LINGO2: variants seen among roughly 807,000 people sequenced by gnomAD.
The protein encoded by LINGO2 is leucine rich repeat and Ig domain containing 2.
LINGO2 carries 14 observed loss-of-function variants against 30.6 expected under a neutral mutation model. That is an observed-to-expected ratio of 0.46 (90% CI 0.30 to 0.72). The LOEUF is 0.72. Ranked by LOEUF, LINGO2 falls within the 30% of genes least tolerant of loss-of-function variation. The probability of loss-of-function intolerance (pLI) is 0.07; values close to 1 mark genes in which losing one functional copy is unlikely to be tolerated. For missense variants in LINGO2, 729 were observed against 751.7 expected (o/e 0.97, Z 0.35); for synonymous variants, 317 against 288.5 (o/e 1.10, Z -1.00).
intron 2 of LINGO2, among the ~76,000 whole-genome samples, chr9:28,376,991 T>C (rs888784475): frequency 2.0e-5 from 3 of 152,096 alleles, no homozygotes; most frequent in East Asian, 1.9e-4. Flanking sequence ...TATACTGCCA[T>C]TGGAATATTA....
chr9:28,174,620 T>C (rs954007943), intron 4 of LINGO2, among the ~76,000 whole-genome samples: 2 of 152,094 alleles, frequency 1.3e-5, no homozygotes, highest in African/African-American at 4.8e-5. Flanking sequence ...CTGATTGAGG[T>C]CTATATTTTG....
chr9:28,779,616 A>G, the LINGO2 span, among the ~76,000 whole-genome samples: 1 of 150,630 alleles, frequency 6.6e-6, no homozygotes, highest in Non-Finnish European at 1.5e-5. Flanking sequence ...GGTTAGAGGA[A>G]AAGAGTGTAC....
chr9:28,349,947 G>A (rs954725736), intron 3 of LINGO2, among the ~76,000 whole-genome samples: 4 of 152,102 alleles, frequency 2.6e-5, no homozygotes, highest in African/African-American at 9.7e-5. Context: ...ACAAGCAAAT[G>A]CTGAGAGATT....
At chr9:28,748,445 G>GA in the LINGO2 span, among the ~76,000 whole-genome samples, 10 of 149,560 alleles carry the variant, frequency 6.7e-5, 1 homozygote, top group African/African-American at 1.7e-4. Context: ...ACTACTATAA[G>GA]AAAAAAAAAT....
chr9:28,420,409 C>T (rs1045944399), intron 2 of LINGO2, among the ~76,000 whole-genome samples: 1 of 152,008 alleles, frequency 6.6e-6, no homozygotes, highest in Non-Finnish European at 1.5e-5. Context: ...CTTGCTGGCT[C>T]ACTAAAAGAC....
the LINGO2 span, among the ~76,000 whole-genome samples, chr9:28,976,631 T>C: frequency 6.6e-6 from 1 of 152,146 alleles, no homozygotes; most frequent in South Asian, 2.1e-4. Context: ...ATGTTATCTA[T>C]AGAGAAAACT....
intron 4 of LINGO2, among the ~76,000 whole-genome samples, chr9:28,225,468 T>A (rs1821113389): frequency 1.3e-5 from 2 of 152,020 alleles, no homozygotes; most frequent in Admixed American, 6.6e-5. Flanking sequence ...ATGAGAATTG[T>A]AAAAAAATTC....
chr9:27,992,638 A>G (rs1485755213), intron 5 of LINGO2, among the ~76,000 whole-genome samples: 1 of 152,128 alleles, frequency 6.6e-6, no homozygotes, highest in Non-Finnish European at 1.5e-5. Context: ...ATAAAATTAT[A>G]TCAATACTAT....
chr9:28,491,621 A>G (rs1201074422), intron 1 of LINGO2, among the ~76,000 whole-genome samples: 1 of 152,150 alleles, frequency 6.6e-6, no homozygotes, highest in East Asian at 1.9e-4. Flanking sequence ...ATAAAATTAA[A>G]CCTAATTAAA....
chr9:28,742,088 C>T, the LINGO2 span, among the ~76,000 whole-genome samples: 1 of 151,948 alleles, frequency 6.6e-6, no homozygotes. Flanking sequence ...AGGCTAAAGC[C>T]ACATTGGCCT....
the LINGO2 span, among the ~76,000 whole-genome samples, chr9:28,989,000 G>A: frequency 6.6e-6 from 1 of 152,080 alleles, no homozygotes; most frequent in Non-Finnish European, 1.5e-5. Context: ...TGTTCTTGCT[G>A]ACATCACTCC....
intron 1 of LINGO2, among the ~76,000 whole-genome samples, chr9:28,500,709 G>A (rs1819848175): frequency 6.6e-6 from 1 of 152,018 alleles, no homozygotes; most frequent in African/African-American, 2.4e-5. Flanking sequence ...GATCATGGAA[G>A]AGATGATTTT....
chr9:28,021,964 AT>A (rs1229662520), intron 4 of LINGO2, among the ~76,000 whole-genome samples: 4 of 152,050 alleles, frequency 2.6e-5, no homozygotes, highest in African/African-American at 9.7e-5. Context: ...AACCATAAAT[AT>A]TTAAAGTAAT....
the LINGO2 span, among the ~76,000 whole-genome samples, chr9:28,690,919 T>C: frequency 1.3e-5 from 2 of 152,126 alleles, no homozygotes; most frequent in Non-Finnish European, 2.9e-5. Flanking sequence ...TTATTATAAA[T>C]AAAAGTTGAA....
chr9:28,942,715 C>T, the LINGO2 span, among the ~76,000 whole-genome samples: 2 of 152,134 alleles, frequency 1.3e-5, no homozygotes, highest in Non-Finnish European at 2.9e-5. Context: ...TTACTGTATA[C>T]TTAAAAGTTT....
At chr9:28,599,565 T>G (rs557129890) in intron 1 of LINGO2, among the ~76,000 whole-genome samples, 3 of 152,200 alleles carry the variant, frequency 2.0e-5, no homozygotes, top group Non-Finnish European at 2.9e-5. Context: ...TAATGAAATA[T>G]CCAACATATT....
chr9:28,175,743 T>C (rs751984469), intron 4 of LINGO2, among the ~76,000 whole-genome samples: 1 of 152,182 alleles, frequency 6.6e-6, no homozygotes, highest in Non-Finnish European at 1.5e-5. Flanking sequence ...TTACCTGCTC[T>C]GTAAGATAAG....
chr9:28,591,907 C>T (rs530386550), intron 1 of LINGO2, among the ~76,000 whole-genome samples: 10 of 152,088 alleles, frequency 6.6e-5, no homozygotes, highest in African/African-American at 2.4e-4. Flanking sequence ...CTTTAATGGA[C>T]CATAAGGGCT....
At chr9:28,837,835 A>T in the LINGO2 span, among the ~76,000 whole-genome samples, 1 of 150,812 alleles carries the variant, frequency 6.6e-6, no homozygotes, top group African/African-American at 2.4e-5. Flanking sequence ...TTAGAAAAAC[A>T]AAAATTTGAG....
Sources: allele counts gnomAD v4.1 joint callset (sites outside exome capture counted in the v4.1 genomes callset), GRCh38; gene constraint gnomAD v4.1.1; transcripts MANE v1.5; gene names NCBI Gene and HGNC (gene_info 2026-07-23, HGNC 2026-07-21).